GABRA4: variants seen among roughly 807,000 people sequenced by gnomAD.
The protein encoded by GABRA4 is gamma-aminobutyric acid type A receptor subunit alpha4, also known as gamma-aminobutyric acid receptor subunit alpha-4.
A neutral mutation model predicts 49.7 loss-of-function variants in GABRA4; 12 were observed. That is an observed-to-expected ratio of 0.24 (90% CI 0.15 to 0.39). The LOEUF (loss-of-function observed/expected upper bound fraction) is 0.39. GABRA4 is among the 10% of genes least tolerant of loss of function. The pLI, the probability that GABRA4 is intolerant of heterozygous loss-of-function variation, is 1.00. For synonymous variants in GABRA4, 288 were observed against 240.2 expected (o/e 1.20, Z -1.84); for missense variants, 506 against 686.0 (o/e 0.74, Z 2.93).
chr4:46,956,944 C>T (rs933494693), intron 8 of GABRA4, among the ~76,000 whole-genome samples: 2 of 151,822 alleles, frequency 1.3e-5, no homozygotes, highest in African/African-American at 4.8e-5. Flanking sequence ...CTTGCCATAG[C>T]GCTAAATAAG....
intron 8 of GABRA4, among the ~76,000 whole-genome samples, chr4:46,953,542 G>A (rs777614785): frequency 5.3e-5 from 8 of 152,052 alleles, no homozygotes; most frequent in Non-Finnish European, 8.8e-5. Context: ...TGTTTAAAAT[G>A]TCACAACATT....
At chr4:46,986,322 G>T (rs1723535541) in intron 2 of GABRA4, among the ~76,000 whole-genome samples, 1 of 151,902 alleles carries the variant, frequency 6.6e-6, no homozygotes, top group African/African-American at 2.4e-5. Context: ...CACCAAAACT[G>T]CTCCATCAAA....
At chr4:46,983,642 T>C (rs1223926107) in intron 2 of GABRA4, among the ~76,000 whole-genome samples, 1 of 152,110 alleles carries the variant, frequency 6.6e-6, no homozygotes, top group East Asian at 1.9e-4. Context: ...TTCTGATAAA[T>C]CAGTTGTCAA....
intron 8 of GABRA4, among the ~76,000 whole-genome samples, chr4:46,940,409 A>T (rs1024008744): frequency 3.3e-5 from 5 of 152,060 alleles, no homozygotes; most frequent in Non-Finnish European, 7.4e-5. Flanking sequence ...CAAATAATTA[A>T]AATTAATAAA....
chr4:46,969,860 G>A (rs1298569116), intron 7 of GABRA4, among the ~76,000 whole-genome samples: 1 of 151,268 alleles, frequency 6.6e-6, no homozygotes, highest in African/African-American at 2.4e-5. Flanking sequence ...TCAACACTTT[G>A]AGTTGTGCAG....
intron 2 of GABRA4, among the ~76,000 whole-genome samples, chr4:46,989,835 TGGA>T (rs772213620): frequency 4.6e-5 from 7 of 152,232 alleles, no homozygotes; most frequent in Non-Finnish European, 5.9e-5. Context: ...AGTCAAAATC[TGGA>T]TTGTTTTCAT....
In GABRA4 at chr4:46,923,331, C is replaced by T. The variant is rs1721101961; in HGVS notation, c.*4894G>A. The T allele has an allele frequency of 6.8e-6, 1 of 147,562 alleles. No homozygotes were observed. The highest frequency in any genetic ancestry group is 1.5e-5 in the Non-Finnish European group (1 of 65,854). The allele number at this position is 147,562 out of a possible 1,614,324, so 9.1% of individuals were successfully genotyped here. ...TTCAGTTTTACCCTCCAATTTTAAT[C>T]TTATCTTGAGATAAAAGTCAATTTA... On this transcript the variant is annotated 3_prime_UTR_variant, in exon 9 of 9. Coordinates refer to ENST00000264318, the MANE Select transcript of GABRA4 (RefSeq NM_000809.4).
intron 1 of GABRA4, among the ~76,000 whole-genome samples, 186 bp downstream of exon 1, chr4:46,993,153 G>C (rs2280072): frequency 0.11 from 16,210 of 152,206 alleles, 940 homozygotes; most frequent in South Asian, 0.19. Flanking sequence ...ACGCCTCTTG[G>C]ATCCTGCGCC....
At chr4:46,991,620 A>T (rs1723746271) in intron 2 of GABRA4, among the ~76,000 whole-genome samples, 1 of 152,170 alleles carries the variant, frequency 6.6e-6, no homozygotes, top group Non-Finnish European at 1.5e-5. Flanking sequence ...CTCATCACAC[A>T]GCATCTGATA....
At chr4:46,968,988 G>A (rs1180566480) in intron 7 of GABRA4, among the ~76,000 whole-genome samples, 1 of 151,636 alleles carries the variant, frequency 6.6e-6, no homozygotes, top group Non-Finnish European at 1.5e-5. Flanking sequence ...TTTACTATGT[G>A]TGAGGCATTA....
At chr4:46,970,074 T>G (rs1311302222) in intron 7 of GABRA4, among the ~76,000 whole-genome samples, 2 of 151,374 alleles carry the variant, frequency 1.3e-5, no homozygotes, top group Non-Finnish European at 3.0e-5. Flanking sequence ...GGGAGGATAG[T>G]TGTCTTTAGA....
intron 2 of GABRA4, among the ~76,000 whole-genome samples, chr4:46,989,188 A>G (rs1723651630): frequency 6.6e-6 from 1 of 152,230 alleles, no homozygotes; most frequent in East Asian, 1.9e-4. Context: ...CAACCCTTCA[A>G]TAAACGGAAA....
intron 8 of GABRA4, among the ~76,000 whole-genome samples, chr4:46,929,715 A>C (rs1190443912): frequency 6.6e-6 from 1 of 152,108 alleles, no homozygotes; most frequent in African/African-American, 2.4e-5. Context: ...AGAATATACT[A>C]TTATATTTTT....
chr4:46,969,257 T>A (rs1182362755), intron 7 of GABRA4, among the ~76,000 whole-genome samples: 1 of 151,554 alleles, frequency 6.6e-6, no homozygotes, highest in African/African-American at 2.4e-5. Context: ...TTTAGGATCA[T>A]TTAAAAAAAT....
rs189575322 is a variant in GABRA4 at position 46,951,839 on chromosome 4, G to A, written c.1134+13131C>T. 1.6e-3 allele frequency among the ~76,000 whole-genome samples: 247 copies of A among 150,564 alleles called. 2 individuals carry two copies. The highest frequency in any genetic ancestry group is 5.7e-3 in the African/African-American group (235 of 41,054). On this transcript the variant is annotated intron_variant, in intron 8 of 8. Transcript: ENST00000264318. ...GTACATATATATATAATTTTCAAGC[G>A]GTATCTTGATATCCACATTAAACTG...
At chr4:46,943,770 T>C (rs962201490) in intron 8 of GABRA4, among the ~76,000 whole-genome samples, 16 of 152,296 alleles carry the variant, frequency 1.1e-4, no homozygotes, top group Middle Eastern at 3.4e-3. Context: ...AGGGACATAC[T>C]GCCTACAGAA....
At chr4:46,940,677 G>A (rs1721758876) in intron 8 of GABRA4, among the ~76,000 whole-genome samples, 1 of 152,010 alleles carries the variant, frequency 6.6e-6, no homozygotes, top group African/African-American at 2.4e-5. Flanking sequence ...ACAAACTCAA[G>A]TTCTACTGTG....
At chr4:46,988,708 G>C (rs1345888108) in intron 2 of GABRA4, among the ~76,000 whole-genome samples, 4 of 152,182 alleles carry the variant, frequency 2.6e-5, no homozygotes, top group Non-Finnish European at 5.9e-5. Context: ...TAGAGGAAAT[G>C]TAGTTTTGCT....
intron 8 of GABRA4, among the ~76,000 whole-genome samples, chr4:46,963,519 A>G (rs1484558797): frequency 3.3e-5 from 5 of 151,796 alleles, no homozygotes; most frequent in Non-Finnish European, 7.4e-5. Flanking sequence ...TCACCATGTA[A>G]GAAGTGCCTT....
Sources: allele counts gnomAD v4.1 joint callset (sites outside exome capture counted in the v4.1 genomes callset), GRCh38; gene constraint gnomAD v4.1.1; transcripts MANE v1.5; gene names NCBI Gene and HGNC (gene_info 2026-07-23, HGNC 2026-07-21).